The following KCNMA1 variants were observed in gnomAD, a reference collection of about 807,000 sequenced individuals.
The protein encoded by KCNMA1 is potassium calcium-activated channel subfamily M alpha 1, also known as Calcium-activated potassium channel subunit alpha-1.
In KCNMA1, 29 loss-of-function variants were observed where a neutral mutation model predicts 140.0. The ratio of observed to expected loss-of-function variants is 0.21; its 90% CI spans 0.15 to 0.28. The LOEUF (loss-of-function observed/expected upper bound fraction) is 0.28. KCNMA1 is among the 10% of genes least tolerant of loss of function. The pLI is 1.00. For missense variants in KCNMA1, 880 were observed against 1,602.2 expected, an observed-to-expected ratio of 0.55 and a Z score of 7.70; for synonymous variants, 612 against 611.9, an observed-to-expected ratio of 1.00 and a Z score of 0.00.
intron 1 of KCNMA1, among the ~76,000 whole-genome samples, chr10:77,623,462 G>C (rs758162119): frequency 1.3e-5 from 2 of 152,058 alleles, no homozygotes; most frequent in South Asian, 4.1e-4. Context: ...CTGGGAGGCC[G>C]AGGCAGGTGG....
intron 1 of KCNMA1, among the ~76,000 whole-genome samples, chr10:77,560,294 G>A (rs1015572692): frequency 6.6e-6 from 1 of 152,224 alleles, no homozygotes; most frequent in African/African-American, 2.4e-5. Context: ...CAACAGCACA[G>A]AAAACAGAGT....
intron 1 of KCNMA1, among the ~76,000 whole-genome samples, chr10:77,427,586 G>C (rs927034349): frequency 6.6e-6 from 1 of 152,116 alleles, no homozygotes. Flanking sequence ...TCTATATTTA[G>C]AGATTCTACA....
At chr10:77,601,698 C>T (rs1386621529) in intron 1 of KCNMA1, among the ~76,000 whole-genome samples, 1 of 152,162 alleles carries the variant, frequency 6.6e-6, no homozygotes, top group African/African-American at 2.4e-5. Flanking sequence ...GAGGTCATTA[C>T]CATGGTGTCT....
At chr10:77,208,639 C>A (rs1230447641) in intron 3 of KCNMA1, among the ~76,000 whole-genome samples, 1 of 152,166 alleles carries the variant, frequency 6.6e-6, no homozygotes, top group East Asian at 1.9e-4. Context: ...CATCTACTGT[C>A]CATCTTATGG....
chr10:77,126,621 T>C (rs2097738839), intron 5 of KCNMA1, among the ~76,000 whole-genome samples: 1 of 152,090 alleles, frequency 6.6e-6, no homozygotes, highest in Non-Finnish European at 1.5e-5. Flanking sequence ...AGTGACCTGC[T>C]AAAGGCTCAG....
At chr10:77,249,155 G>A (rs916323295) in intron 3 of KCNMA1, among the ~76,000 whole-genome samples, 2 of 152,168 alleles carry the variant, frequency 1.3e-5, no homozygotes, top group African/African-American at 4.8e-5. Flanking sequence ...AGGAAAAGGT[G>A]AGGACAGGAC....
At chr10:77,554,756 C>G (rs1383241786) in intron 1 of KCNMA1, among the ~76,000 whole-genome samples, 1 of 152,138 alleles carries the variant, frequency 6.6e-6, no homozygotes, top group Non-Finnish European at 1.5e-5. Flanking sequence ...CCTTCCTGTT[C>G]CTGGAAACGG....
chr10:77,289,323 T>C (rs1261333083), intron 2 of KCNMA1, among the ~76,000 whole-genome samples: 1 of 152,184 alleles, frequency 6.6e-6, no homozygotes, highest in Non-Finnish European at 1.5e-5. Context: ...GAGGACCCCA[T>C]GACTACAGCA....
intron 19 of KCNMA1, among the ~76,000 whole-genome samples, chr10:76,993,396 A>G (rs558932792): frequency 2.0e-5 from 3 of 152,350 alleles, no homozygotes; most frequent in Admixed American, 6.5e-5. Context: ...AAACCCAGCT[A>G]GGAATCACAA....
At chr10:77,542,022 A>C (rs1169521172) in intron 1 of KCNMA1, among the ~76,000 whole-genome samples, 1 of 152,172 alleles carries the variant, frequency 6.6e-6, no homozygotes, top group Non-Finnish European at 1.5e-5. Context: ...GTCCCTCCCC[A>C]AAAATTTATA....
chr10:77,499,554 GA>G (rs2154544659), intron 1 of KCNMA1, among the ~76,000 whole-genome samples: 1 of 151,698 alleles, frequency 6.6e-6, no homozygotes, highest in South Asian at 2.1e-4. Context: ...AAAAAAAAGA[GA>G]AAAATCAAGC....
chr10:77,411,928 G>A (rs542530889), intron 1 of KCNMA1, among the ~76,000 whole-genome samples: 3 of 152,366 alleles, frequency 2.0e-5, no homozygotes, highest in African/African-American at 7.2e-5. Flanking sequence ...GCTAAAGGAA[G>A]ATTTGGCTTC....
At chr10:77,587,448 C>G (rs1266674902) in intron 1 of KCNMA1, among the ~76,000 whole-genome samples, 3 of 152,124 alleles carry the variant, frequency 2.0e-5, no homozygotes, top group African/African-American at 7.2e-5. Context: ...TCCAAACAAA[C>G]TTTTCCCCAG....
intron 14 of KCNMA1, among the ~76,000 whole-genome samples, chr10:77,066,566 C>T (rs148512569): frequency 4.6e-5 from 7 of 152,098 alleles, no homozygotes; most frequent in African/African-American, 1.7e-4. Flanking sequence ...TCGGTGACGC[C>T]GGGTTCAGGG....
chr10:77,187,762 C>T (rs1056669845), intron 3 of KCNMA1, among the ~76,000 whole-genome samples: 10 of 152,064 alleles, frequency 6.6e-5, no homozygotes, highest in African/African-American at 2.4e-4. Flanking sequence ...GCCACTACAG[C>T]CCCAGGAGAA....
chr10:77,119,305 T>C (rs1026000241), intron 6 of KCNMA1, among the ~76,000 whole-genome samples: 2 of 152,160 alleles, frequency 1.3e-5, no homozygotes, highest in African/African-American at 4.8e-5. Flanking sequence ...TAGACAGTAT[T>C]CCTCAGAGCA....
intron 5 of KCNMA1, among the ~76,000 whole-genome samples, chr10:77,158,889 G>A (rs940700617): frequency 1.3e-5 from 2 of 152,146 alleles, no homozygotes; most frequent in Non-Finnish European, 2.9e-5. Context: ...AGTGTAATAA[G>A]TAATCCTCAT....
intron 20 of KCNMA1, among the ~76,000 whole-genome samples, chr10:76,968,309 C>A (rs2074754608): frequency 6.6e-6 from 1 of 152,054 alleles, no homozygotes; most frequent in Non-Finnish European, 1.5e-5. Flanking sequence ...CAAGAGCCAA[C>A]AGAATAAAGA....
rs145449846 is a variant in KCNMA1, at chr10:76,958,003, G to T, written c.2361-4079C>A. On this transcript the variant is annotated intron_variant, in intron 20 of 27. Transcript: ENST00000286628. ...CAGAGAGATCTCTGGAACAGGTGGA[G>T]AGTGTACAGTCAGTTGTCCACAGGG... 8.3e-3 allele frequency among the ~76,000 whole-genome samples: 1,259 copies of T among 152,308 alleles called. 20 individuals carry two copies. The highest frequency in any genetic ancestry group is 0.029 in the African/African-American group (1,202 of 41,564).
Sources: allele counts gnomAD v4.1 joint callset (sites outside exome capture counted in the v4.1 genomes callset), GRCh38; gene constraint gnomAD v4.1.1; transcripts MANE v1.5; gene names NCBI Gene and HGNC (gene_info 2026-07-23, HGNC 2026-07-21).